Variants in DISC1 observed in about 807,000 individuals in gnomAD.
DISC1 encodes the protein disrupted in schizophrenia 1 protein.
Under a neutral mutation model 84.5 loss-of-function variants are expected in DISC1, and 57 were observed. The observed-to-expected ratio is 0.67, with a 90% CI of 0.55 to 0.84. DISC1 has a LOEUF of 0.84. Ranked by LOEUF, DISC1 falls within the 40% of genes least tolerant of loss-of-function variation. The pLI, the probability that DISC1 is intolerant of heterozygous loss-of-function variation, is 0.00. For synonymous variants in DISC1, 411 were observed against 415.2 expected (o/e 0.99, Z 0.12); for missense variants, 1,000 against 1,057.8 (o/e 0.95, Z 0.76).
rs898393033 is a variant in DISC1 at position 231,995,490 on chromosome 1, CT to C, written c.2043-13294del. ...TATCTCCTAATGCTATCCCTCCCCC[CT>C]ATCCCCACCCCACAACAGTCCCCAG... On this transcript the variant is annotated intron_variant, in intron 10 of 12. Transcript: ENST00000439617. Among the ~76,000 whole-genome samples the C allele has an allele frequency of 7.4e-3, 1,119 of 152,088 alleles. 8 individuals are homozygous for C. The highest frequency in any genetic ancestry group is 0.012 in the Non-Finnish European group (791 of 67,972).
rs1382746101 is a variant in DISC1 at position 231,675,222 on chromosome 1, C to T, written c.68-18604C>T. ...GTCCTGCTTATTGGTCCTTAGGCTA[C>T]TCCCGCCCGCAAAGTGTAGCGCTGT... On this transcript the variant is annotated intron_variant, in intron 1 of 12. Coordinates refer to ENST00000439617, the MANE Select transcript of DISC1 (RefSeq NM_018662.3). The surrounding 1 kb of genome is among the most constrained non-coding windows in gnomAD (Gnocchi z 4.1). Among the ~76,000 whole-genome samples the T allele has an allele frequency of 6.6e-6, 1 of 152,042 alleles. No homozygotes were observed. Among genetic ancestry groups the T allele is most frequent in the East Asian group, 1.9e-4 (1 of 5,186 alleles).
intron 9 of DISC1, among the ~76,000 whole-genome samples, chr1:231,909,875 G>A (rs2089036332): frequency 6.6e-6 from 1 of 152,160 alleles, no homozygotes; most frequent in African/African-American, 2.4e-5. Context: ...GTCTATTCAG[G>A]GATTCAACTT....
chr1:231,933,794 T>A, intron 9 of DISC1, among the ~76,000 whole-genome samples: 1 of 152,100 alleles, frequency 6.6e-6, no homozygotes, highest in South Asian at 2.1e-4. Flanking sequence ...AACCCGAAAG[T>A]TTGGGGGCAA....
intron 9 of DISC1, among the ~76,000 whole-genome samples, chr1:231,910,409 T>C (rs2089099534): frequency 6.6e-6 from 1 of 152,242 alleles, no homozygotes; most frequent in Non-Finnish European, 1.5e-5. Context: ...AACATCTTTA[T>C]TTCTGCCTTC....
chr1:231,977,042 C>CAGG (rs1318231764), intron 10 of DISC1, among the ~76,000 whole-genome samples: 13 of 152,182 alleles, frequency 8.5e-5, no homozygotes, highest in African/African-American at 2.7e-4. Flanking sequence ...AAAGGTCCAA[C>CAGG]AGGAGTTCCT....
chr1:231,801,444 T>C (rs1222155178), intron 8 of DISC1, among the ~76,000 whole-genome samples: 1 of 152,154 alleles, frequency 6.6e-6, no homozygotes, highest in Non-Finnish European at 1.5e-5. Context: ...ATGTGAACAA[T>C]CTCTCTTCAG....
chr1:232,002,811 A>T (rs570398037), intron 10 of DISC1, among the ~76,000 whole-genome samples: 1 of 152,300 alleles, frequency 6.6e-6, no homozygotes, highest in East Asian at 1.9e-4. Flanking sequence ...TTCATGTGAT[A>T]ATTGAATTGT....
intron 1 of DISC1, among the ~76,000 whole-genome samples, chr1:231,640,265 A>G (rs981028270): frequency 1.3e-5 from 2 of 152,154 alleles, no homozygotes; most frequent in Non-Finnish European, 2.9e-5. Context: ...CCGTTTCTTG[A>G]GACAGGCTGC....
Position 231,873,363 on chromosome 1 carries a change from C to T in DISC1, c.1981+54846C>T, listed in dbSNP as rs149877219. Among the ~76,000 whole-genome samples, 186 of 152,334 alleles carry T rather than the reference C, an allele frequency of 1.2e-3. No individual in the cohort carries two copies. In the Middle Eastern group the frequency reaches 0.014, roughly 11 times the overall value. ...GTAGGGCTGCAGATCAGAAGCAAAGCGGACTTCAGCCTGATAGCAGTCAAA... is the reference window on the plus strand; with the variant it reads ...GTAGGGCTGCAGATCAGAAGCAAAGTGGACTTCAGCCTGATAGCAGTCAAA... On this transcript the variant is annotated intron_variant, in intron 9 of 12. Coordinates refer to ENST00000439617, the MANE Select transcript of DISC1 (RefSeq NM_018662.3).
intron 9 of DISC1, among the ~76,000 whole-genome samples, chr1:231,824,197 A>T (rs982596711): frequency 2.6e-5 from 4 of 152,186 alleles, no homozygotes; most frequent in African/African-American, 9.6e-5. Flanking sequence ...TTGATAACAG[A>T]GGGCCAAGCC....
Position 231,757,936 on chromosome 1 carries a change from C to G in DISC1, c.1268+7860C>G, listed in dbSNP as rs150984722. On this transcript the variant is annotated intron_variant, in intron 4 of 12. Coordinates refer to ENST00000439617, the MANE Select transcript of DISC1 (RefSeq NM_018662.3). ...AACCGTGCTCACAGTCGGCTTTCCA[C>G]TCAGGCACCCAACAGGTTTATCAGG... 3.3e-3 allele frequency among the ~76,000 whole-genome samples: 495 copies of G among 151,836 alleles called. 2 individuals carry two copies. Among genetic ancestry groups the G allele is most frequent in the South Asian group, 6.7e-3 (32 of 4,776 alleles).
intron 10 of DISC1, among the ~76,000 whole-genome samples, chr1:231,993,783 G>A (rs1665551802): frequency 6.6e-6 from 1 of 152,110 alleles, no homozygotes; most frequent in African/African-American, 2.4e-5. Context: ...AAGAAGAAGG[G>A]CTTGTTTGAT....
At chr1:231,989,317 T>G (rs1480866627) in intron 10 of DISC1, among the ~76,000 whole-genome samples, 2 of 152,218 alleles carry the variant, frequency 1.3e-5, no homozygotes. Context: ...CACTTCTGTG[T>G]TCTGGTCTGT....
At chr1:231,983,649 G>GGGGGTGGAGGT (rs1194594077) in intron 10 of DISC1, among the ~76,000 whole-genome samples, 1 of 141,012 alleles carries the variant, frequency 7.1e-6, no homozygotes, top group African/African-American at 2.7e-5. Context: ...GTTGGGGGGA[G>GGGGGTGGAGGT]GGGGTGGAGG....
chr1:231,640,485 A>T (rs2059545381), intron 1 of DISC1, among the ~76,000 whole-genome samples: 1 of 120,642 alleles, frequency 8.3e-6, no homozygotes, highest in Non-Finnish European at 1.8e-5. Context: ...AGTACCTCCG[A>T]AACTCAGCTT....
chr1:231,657,856 C>G (rs2061248229), intron 1 of DISC1, among the ~76,000 whole-genome samples: 1 of 152,124 alleles, frequency 6.6e-6, no homozygotes, highest in South Asian at 2.1e-4. Context: ...GTTCCTGTAC[C>G]AATACCCTGC....
chr1:232,020,516 T>C (rs1279529771), intron 11 of DISC1, among the ~76,000 whole-genome samples: 1 of 152,178 alleles, frequency 6.6e-6, no homozygotes, highest in East Asian at 1.9e-4. Context: ...TTAGTAGCCC[T>C]GAAGGAGGCA....
At chr1:231,848,054 G>A (rs2083590837) in intron 9 of DISC1, among the ~76,000 whole-genome samples, 1 of 152,154 alleles carries the variant, frequency 6.6e-6, no homozygotes, top group Non-Finnish European at 1.5e-5. Flanking sequence ...TTTGCCTGAG[G>A]TCCCTTCCCT....
At chr1:231,969,968 A>G (rs1269888389) in intron 10 of DISC1, among the ~76,000 whole-genome samples, 2 of 152,154 alleles carry the variant, frequency 1.3e-5, no homozygotes, top group African/African-American at 2.4e-5. Flanking sequence ...CATAGTGTAT[A>G]TGTGCCACAT....
Sources: gnomAD v4.1 joint callset for allele counts (sites outside exome capture counted in the v4.1 genomes callset) on GRCh38, gnomAD v4.1.1 for gene constraint, Gnocchi (gnomAD v3.1) non-coding constraint, MANE v1.5 for transcripts, NCBI Gene and HGNC (gene_info 2026-07-23, HGNC 2026-07-21) for gene names.